SPRED2: variants seen among roughly 807,000 people sequenced by gnomAD.
SPRED2 encodes sprouty-related, EVH1 domain-containing protein 2.
A neutral mutation model predicts 43.0 loss-of-function variants in SPRED2; 47 were observed. That is an observed-to-expected ratio of 1.09 (90% CI 0.87 to 1.40). The LOEUF (loss-of-function observed/expected upper bound fraction) is 1.40. Ranked by LOEUF, SPRED2 falls within the 40% of genes most tolerant of loss-of-function variation. SPRED2 has a pLI of 0.00. For missense variants in SPRED2, 561 were observed against 586.4 expected, an observed-to-expected ratio of 0.96 and a Z score of 0.45; for synonymous variants, 225 against 225.7, an observed-to-expected ratio of 1.00 and a Z score of 0.03.
At chr2:65,324,205 A>G (rs1673530599) in intron 4 of SPRED2, among the ~76,000 whole-genome samples, 1 of 152,148 alleles carries the variant, frequency 6.6e-6, no homozygotes, top group Non-Finnish European at 1.5e-5. Context: ...CTATAGACAC[A>G]GGCTGTACTT....
At chr2:65,384,564 C>T (rs755538124) in intron 1 of SPRED2, among the ~76,000 whole-genome samples, 8 of 152,304 alleles carry the variant, frequency 5.3e-5, no homozygotes, top group Admixed American at 1.3e-4. Flanking sequence ...GAGAGCAAGC[C>T]GGTGTGGTAG....
intron 1 of SPRED2, among the ~76,000 whole-genome samples, chr2:65,359,719 G>C (rs780309200): frequency 2.7e-4 from 41 of 152,082 alleles, no homozygotes; most frequent in Non-Finnish European, 5.1e-4. Context: ...CATGAGGTCA[G>C]GAGATCCAGA....
chr2:65,402,436 A>T (rs1675927979), intron 1 of SPRED2, among the ~76,000 whole-genome samples: 1 of 152,152 alleles, frequency 6.6e-6, no homozygotes, highest in Non-Finnish European at 1.5e-5. Flanking sequence ...TGGATATTTA[A>T]GTTTAGATGC....
At chr2:65,353,359 A>T (rs1405217199) in intron 1 of SPRED2, among the ~76,000 whole-genome samples, 1 of 152,252 alleles carries the variant, frequency 6.6e-6, no homozygotes, top group Non-Finnish European at 1.5e-5. Context: ...ACACTGAAGC[A>T]TATAAATAAA....
chr2:65,431,156 C>T (rs2103828722), intron 1 of SPRED2, among the ~76,000 whole-genome samples: 1 of 151,640 alleles, frequency 6.6e-6, no homozygotes, highest in African/African-American at 2.4e-5. Flanking sequence ...GAGCATTGTT[C>T]CCCTCGGGCC....
At chr2:65,334,466 A>C (rs934992823) in intron 3 of SPRED2, 139 bp downstream of exon 3, 16 of 968,418 alleles carry the variant, frequency 1.7e-5, no homozygotes, top group Admixed American at 2.5e-5. Flanking sequence ...TGGAAATTCC[A>C]AAAGTTTTGG....
Position 65,316,009 on chromosome 2 carries a change from C to T in SPRED2, c.588+725G>A, listed in dbSNP as rs192648677. Among the ~76,000 whole-genome samples, 20 of 152,256 alleles carry T rather than the reference C, an allele frequency of 1.3e-4. No homozygotes were observed. In the East Asian group the frequency reaches 2.7e-3, roughly 21 times the overall value. Reference sequence around the variant, plus strand: ...TTTAATCCCAAAATATTAGGAAGCACAATCTAAAATAATTTTTTTAAAAAG... The same window carrying T: ...TTTAATCCCAAAATATTAGGAAGCATAATCTAAAATAATTTTTTTAAAAAG... On this transcript the variant is annotated intron_variant, in intron 5 of 5. Coordinates refer to ENST00000356388, the MANE Select transcript of SPRED2 (RefSeq NM_181784.3).
At chr2:65,398,248 CAA>C (rs889038865) in intron 1 of SPRED2, among the ~76,000 whole-genome samples, 4 of 152,132 alleles carry the variant, frequency 2.6e-5, no homozygotes, top group Non-Finnish European at 5.9e-5. Context: ...CAAGATGGAC[CAA>C]AGACTTAAAT....
At chr2:65,404,206 A>G (rs1363290244) in intron 1 of SPRED2, among the ~76,000 whole-genome samples, 1 of 40,136 alleles carries the variant, frequency 2.5e-5, no homozygotes, top group Non-Finnish European at 1.2e-4. Context: ...ACTCCGTCTC[A>G]AAAAAAAAAA....
At chr2:65,320,536 C>T (rs900598617) in intron 4 of SPRED2, among the ~76,000 whole-genome samples, 9 of 152,148 alleles carry the variant, frequency 5.9e-5, no homozygotes, top group Admixed American at 5.2e-4. Flanking sequence ...TATCTGATGA[C>T]GAATTTCTAC....
intron 1 of SPRED2, among the ~76,000 whole-genome samples, chr2:65,394,373 C>T (rs1675705147): frequency 6.6e-6 from 1 of 152,206 alleles, no homozygotes; most frequent in African/African-American, 2.4e-5. Context: ...GCGCCCTGCA[C>T]AGACCACTCG....
At chr2:65,339,865 TG>T (rs1304099927) in intron 2 of SPRED2, among the ~76,000 whole-genome samples, 1 of 152,140 alleles carries the variant, frequency 6.6e-6, no homozygotes, top group Non-Finnish European at 1.5e-5. Flanking sequence ...TATCTACAAT[TG>T]TCTGAAAAGG....
rs77883444 is a variant in SPRED2, at chr2:65,396,099, A to G, written c.26+35863T>C. Among the ~76,000 whole-genome samples the G allele has an allele frequency of 3.9e-3, 589 of 152,294 alleles. 1 individual carries two copies. Among genetic ancestry groups the G allele is most frequent in the African/African-American group, 0.013 (552 of 41,570 alleles). On this transcript the variant is annotated intron_variant, in intron 1 of 5. Transcript: ENST00000356388. ...TGCAGGCCTTAGTTTTCTTATGAGG[A>G]AAAAAGTTTTCTTATGAGGAGGATT...
chr2:65,407,909 C>G (rs1349167744), intron 1 of SPRED2, among the ~76,000 whole-genome samples: 1 of 152,184 alleles, frequency 6.6e-6, no homozygotes, highest in Non-Finnish European at 1.5e-5. Context: ...ATATCAAAAG[C>G]TGGGCAAGGG....
At chr2:65,369,896 C>T (rs1675081311) in intron 1 of SPRED2, among the ~76,000 whole-genome samples, 1 of 152,358 alleles carries the variant, frequency 6.6e-6, no homozygotes, top group Non-Finnish European at 1.5e-5. Flanking sequence ...ATGTCTTCTG[C>T]CTCTGAGCTC....
chr2:65,424,484 G>C (rs1437654779), intron 1 of SPRED2, among the ~76,000 whole-genome samples: 1 of 152,038 alleles, frequency 6.6e-6, no homozygotes, highest in Non-Finnish European at 1.5e-5. Context: ...TATTCTCAAA[G>C]GGCATGGTGG....
intron 1 of SPRED2, among the ~76,000 whole-genome samples, chr2:65,425,185 T>A (rs1676527877): frequency 6.6e-6 from 1 of 152,220 alleles, no homozygotes; most frequent in African/African-American, 2.4e-5. Context: ...TAAGCATTTA[T>A]AAATGGACCA....
chr2:65,322,398 G>A (rs1035805815), intron 4 of SPRED2, among the ~76,000 whole-genome samples: 27 of 147,460 alleles, frequency 1.8e-4, no homozygotes, highest in African/African-American at 5.8e-4. Context: ...GGTTCACGCC[G>A]TTCTCCTGCC....
At chr2:65,389,274 T>C (rs1270682056) in intron 1 of SPRED2, among the ~76,000 whole-genome samples, 1 of 149,914 alleles carries the variant, frequency 6.7e-6, no homozygotes, top group Non-Finnish European at 1.5e-5. Context: ...GGGAACACCT[T>C]GCCTTGGGAG....
Sources: allele counts gnomAD v4.1 joint callset (sites outside exome capture counted in the v4.1 genomes callset), GRCh38; gene constraint gnomAD v4.1.1; transcripts MANE v1.5; gene names NCBI Gene and HGNC (gene_info 2026-07-23, HGNC 2026-07-21).